The following SLC25A25 variants were observed in gnomAD, a reference collection of about 807,000 sequenced individuals.
SLC25A25 encodes mitochondrial adenyl nucleotide antiporter SLC25A25.
In SLC25A25, 32 loss-of-function variants were observed where a neutral mutation model predicts 57.7. The observed-to-expected ratio is 0.55, with a 90% CI of 0.42 to 0.74. SLC25A25 has a LOEUF of 0.74. Ranked by LOEUF, SLC25A25 falls within the 30% of genes least tolerant of loss-of-function variation. SLC25A25 has a pLI of 0.00. For missense variants in SLC25A25, 556 were observed against 701.3 expected, an observed-to-expected ratio of 0.79 and a Z score of 2.34; for synonymous variants, 306 against 291.2, an observed-to-expected ratio of 1.05 and a Z score of -0.52.
In SLC25A25 at chr9:128,099,087, G is replaced by A. The variant is rs991115042; in HGVS notation, c.262-2009G>A. The A allele has an allele frequency of 7.1e-6, 7 of 985,318 alleles. No individual in the cohort carries two copies. In the African/African-American group the frequency reaches 1.2e-4, roughly 17 times the overall value. The allele number at this position is 985,318 out of a possible 1,614,324, so 61.0% of individuals were successfully genotyped here. On this transcript the variant is annotated intron_variant, in intron 1 of 10. Transcript: ENST00000373069. The surrounding 1 kb of genome is among the most constrained non-coding windows in gnomAD (Gnocchi z 6.8). ...GAAGGCAGGGAGGCCCAGGAGTTGA[G>A]GGTGCTGCGTGGTGGAGCTGCCCGT... is the stretch of plus-strand genomic sequence containing the variant.
At chr9:128,083,227 C>A (rs1369208192) in intron 1 of SLC25A25, among the ~76,000 whole-genome samples, 4 of 62,818 alleles carry the variant, frequency 6.4e-5, no homozygotes, top group African/African-American at 1.4e-4. Flanking sequence ...GACTCCGTCT[C>A]AAAAAAAAAA....
Position 128,102,052 on chromosome 9 carries a change from TC to T in SLC25A25, c.477-26del. ...ACTTATGCGTGTTGTTTCTGCTCTC[TC>T]CTCCGCATCCTTTGTCTGTCTGTCA... is the stretch of plus-strand genomic sequence containing the variant. On this transcript the variant is annotated intron_variant, in intron 3 of 10. Coordinates refer to ENST00000373069, the MANE Select transcript of SLC25A25 (RefSeq NM_001330988.2). The surrounding 1 kb of genome is among the most constrained non-coding windows in gnomAD (Gnocchi z 4.1). The T allele has an allele frequency of 6.4e-7, 1 of 1,550,496 alleles. No individual in the cohort carries two copies. Among genetic ancestry groups the T allele is most frequent in the East Asian group, 2.4e-5 (1 of 40,918 alleles).
intron 1 of SLC25A25, among the ~76,000 whole-genome samples, chr9:128,069,921 T>A (rs1349006985): frequency 7.1e-6 from 1 of 140,388 alleles, no homozygotes; most frequent in Non-Finnish European, 1.5e-5. Context: ...CCAGCTAATT[T>A]TTTTTTTTTT....
chr9:128,107,326 G>A lies in SLC25A25; in HGVS notation c.1430G>A (p.Gly477Glu). ...SLFKHILRTEGAFGLYRGLAP... is the reference protein window; with the variant it reads ...SLFKHILRTEEAFGLYRGLAP... ...TTCAAACATATCCTGCGGACCGAGGGGGCCTTCGGGCTGTACAGGGGGCTG... is the reference window on the plus strand; with the variant it reads ...TTCAAACATATCCTGCGGACCGAGGAGGCCTTCGGGCTGTACAGGGGGCTG... The change falls in exon 11 of 11, where the codon GGG (glycine) becomes GAG (glutamate). Residue 477 changes from glycine (G) to glutamate (E), a missense_variant. Gly to Glu is a moderately conservative substitution (Grantham distance 98). This residue lies in a region of SLC25A25 where 294 missense variants were observed against 389.6 expected (regional missense o/e 0.75). Coordinates refer to ENST00000373069, the MANE Select transcript of SLC25A25 (RefSeq NM_001330988.2). The A allele has an allele frequency of 1.3e-6, 2 of 1,546,794 alleles. No homozygotes were observed. Among genetic ancestry groups the A allele is most frequent in the Non-Finnish European group, 1.8e-6 (2 of 1,142,254 alleles).
rs1681411903 is a variant in SLC25A25, at chr9:128,107,611, T to G, written c.*167T>G. Reference sequence around the variant, plus strand: ...TGGGGAGAGCTGGCAGGCCCAGGGCTTGTCCTGCTGACCCCAGCAGACCCT... The same window carrying G: ...TGGGGAGAGCTGGCAGGCCCAGGGCGTGTCCTGCTGACCCCAGCAGACCCT... On this transcript the variant is annotated 3_prime_UTR_variant, in exon 11 of 11. Transcript: ENST00000373069. 1 of 738,596 alleles carries G rather than the reference T, an allele frequency of 1.4e-6. No individual in the cohort carries two copies. Among genetic ancestry groups the G allele is most frequent in the African/African-American group, 1.8e-5 (1 of 56,678 alleles). The allele number at this position is 738,596 out of a possible 1,614,324, so 45.8% of individuals were successfully genotyped here. A position where few individuals can be genotyped will look rare whatever the true frequency, so the allele number is the denominator to read the frequency against.
rs374450423 is a variant in SLC25A25 at position 128,081,885 on chromosome 9, C to T, written c.261+13305C>T. 6.6e-5 allele frequency among the ~76,000 whole-genome samples: 10 copies of T among 151,812 alleles called. No homozygotes were observed. In the East Asian group the frequency reaches 1.4e-3, roughly 21 times the overall value. ...GCAGTGAGCCATGATCATACCTGCACTCCAGTCTGGGCAGCAGAGCCAGAC... is the reference window on the plus strand; with the variant it reads ...GCAGTGAGCCATGATCATACCTGCATTCCAGTCTGGGCAGCAGAGCCAGAC... On this transcript the variant is annotated intron_variant, in intron 1 of 10. Coordinates refer to ENST00000373069, the MANE Select transcript of SLC25A25 (RefSeq NM_001330988.2).
chr9:128,087,461 C>T (rs1373351990), intron 1 of SLC25A25, among the ~76,000 whole-genome samples: 1 of 152,058 alleles, frequency 6.6e-6, no homozygotes, highest in Admixed American at 6.6e-5. Flanking sequence ...TGTAATGGGT[C>T]TTGTTTTCTC....
rs57220788 is a variant in SLC25A25, at chr9:128,104,831, A to AATTATT, written c.784-865_784-860dup. On this transcript the variant is annotated intron_variant, in intron 6 of 10. Transcript: ENST00000373069. ...ATAATGAAAAACTTTGATTTTTAAA[A>AATTATT]ATTATTATTATTATTATTATTATTA... is the stretch of plus-strand genomic sequence containing the variant. 1.3e-3 allele frequency among the ~76,000 whole-genome samples: 188 copies of AATTATT among 144,564 alleles called. 2 individuals carry two copies. The highest frequency in any genetic ancestry group is 3.9e-3 in the African/African-American group (155 of 39,530). The allele number at this position is 144,564 out of a possible 152,430, so 94.8% of individuals were successfully genotyped here.
At chr9:128,088,526 T>C (rs903815039) in intron 1 of SLC25A25, among the ~76,000 whole-genome samples, 2 of 152,204 alleles carry the variant, frequency 1.3e-5, no homozygotes, top group African/African-American at 4.8e-5. Flanking sequence ...GGGTTCCACC[T>C]GGCTTCTCTG....
At chr9:128,070,475 A>G (rs919263274) in intron 1 of SLC25A25, among the ~76,000 whole-genome samples, 1 of 148,656 alleles carries the variant, frequency 6.7e-6, no homozygotes, top group African/African-American at 2.5e-5. Context: ...TCCTGACCTC[A>G]GGTGATCCAC....
chr9:128,106,165 G>C lies in SLC25A25; in HGVS notation c.952G>C (p.Gly318Arg), dbSNP rs556095628. ...CTGGTTCTAGATCAAGCGCCTTGTT[G>C]GTAGTGACCAGGAGACTCTGAGGAT... ...MAYEQIKRLV[G>R]SDQETLRIHE... Residue 318 changes from glycine (G) to arginine (R), a missense_variant, in exon 8 of 11, where the codon GGT (glycine) becomes CGT (arginine). Gly to Arg is a moderately radical substitution (Grantham distance 125, BLOSUM62 -2). Transcript: ENST00000373069. 6.2e-7 allele frequency: 1 copy of C among 1,614,236 alleles called. No individual in the cohort carries two copies. The highest frequency in any genetic ancestry group is 1.1e-5 in the South Asian group (1 of 91,086).
At chr9:128,093,316 T>C (rs979002684) in intron 1 of SLC25A25, among the ~76,000 whole-genome samples, 4 of 152,230 alleles carry the variant, frequency 2.6e-5, no homozygotes, top group Non-Finnish European at 4.4e-5. Flanking sequence ...TTAGACAAGA[T>C]TGGAATGGCT....
Position 128,089,233 on chromosome 9 carries a change from C to G in SLC25A25, c.262-11863C>G, listed in dbSNP as rs148367229. On this transcript the variant is annotated intron_variant, in intron 1 of 10. Coordinates refer to ENST00000373069, the MANE Select transcript of SLC25A25 (RefSeq NM_001330988.2). ...CTTAGGGTTTTTGGCTGTGGACTGG[C>G]TCTTCTTTAGTATTAAAATGATCTA... 7.1e-3 allele frequency among the ~76,000 whole-genome samples: 1,083 copies of G among 152,058 alleles called. 9 individuals are homozygous for G. The highest frequency in any genetic ancestry group is 0.037 in the Middle Eastern group (11 of 294).
intron 1 of SLC25A25, among the ~76,000 whole-genome samples, chr9:128,083,376 C>T (rs1833198777): frequency 6.6e-6 from 1 of 151,954 alleles, no homozygotes; most frequent in Non-Finnish European, 1.5e-5. Context: ...TGCCAGTCCT[C>T]ATCAAATCAA....
chr9:128,099,522 C>A lies in SLC25A25; in HGVS notation c.262-1574C>A, dbSNP rs968978981. The A allele has an allele frequency of 1.7e-6, 1 of 581,876 alleles. No homozygotes were observed. Among genetic ancestry groups the A allele is most frequent in the Non-Finnish European group, 2.4e-6 (1 of 417,364 alleles). 36.0% of individuals were successfully genotyped at this position (581,876 alleles called of 1,614,324 possible). ...GCCTCCTGCCTAAATGGCTTGTCCACTCTATTTCCATTCCTGTTAGAGATT... is the reference window on the plus strand; with the variant it reads ...GCCTCCTGCCTAAATGGCTTGTCCAATCTATTTCCATTCCTGTTAGAGATT... On this transcript the variant is annotated intron_variant, in intron 1 of 10. Transcript: ENST00000373069. The surrounding 1 kb of genome is among the most constrained non-coding windows in gnomAD (Gnocchi z 6.8).
intron 6 of SLC25A25, among the ~76,000 whole-genome samples, chr9:128,105,012 T>C (rs7868643): frequency 0.95 from 143,887 of 150,818 alleles, 69,020 homozygotes; most frequent in East Asian, 1. Flanking sequence ...GCATGCGCTA[T>C]CACCCCAGGC....
intron 9 of SLC25A25, 80 bp from the exon 10 acceptor site, chr9:128,106,949 G>A (rs1363200788): frequency 1.3e-6 from 2 of 1,531,592 alleles, no homozygotes; most frequent in Admixed American, 1.8e-5. Flanking sequence ...CCAGTGGCCT[G>A]AGGACCCAGT....
chr9:128,104,102 G>T (rs1208336014), intron 6 of SLC25A25, among the ~76,000 whole-genome samples: 3 of 152,154 alleles, frequency 2.0e-5, no homozygotes, highest in African/African-American at 7.2e-5. Context: ...CGAGACTGGG[G>T]TGAGGCAGGA....
chr9:128,080,260 A>ACAAAAAAACAAAAAAAAC (rs1833122802), intron 1 of SLC25A25, among the ~76,000 whole-genome samples: 1 of 144,754 alleles, frequency 6.9e-6, no homozygotes, highest in African/African-American at 2.6e-5. Flanking sequence ...CAAAAAAAAA[A>ACAAAAAAACAAAAAAAAC]CCCACAAAAA....
Sources: allele counts gnomAD v4.1 joint callset (sites outside exome capture counted in the v4.1 genomes callset), GRCh38; gene constraint gnomAD v4.1.1; regional missense constraint gnomAD v4.1.1; non-coding constraint Gnocchi (gnomAD v3.1); transcripts MANE v1.5; gene names NCBI Gene and HGNC (gene_info 2026-07-23, HGNC 2026-07-21).